ERCC8: variants seen among roughly 807,000 people sequenced by gnomAD.
The protein encoded by ERCC8 is ERCC excision repair 8, CSA ubiquitin ligase complex subunit.
A neutral mutation model predicts 54.9 loss-of-function variants in ERCC8; 52 were observed. That is an observed-to-expected ratio of 0.95 (90% CI 0.76 to 1.19). The LOEUF (loss-of-function observed/expected upper bound fraction) is 1.19, where lower values mean the gene tolerates loss of function less well. ERCC8 is among the 50% of genes most tolerant of loss of function. The pLI, the probability that ERCC8 is intolerant of heterozygous loss-of-function variation, is 0.00. For synonymous variants in ERCC8, 146 were observed against 157.2 expected (o/e 0.93, Z 0.53); for missense variants, 514 against 466.1 (o/e 1.10, Z -0.95).
At chr5:60,890,718 T>C (rs898437394) in intron 10 of ERCC8, among the ~76,000 whole-genome samples, 171 bp downstream of exon 10, 2 of 152,220 alleles carry the variant, frequency 1.3e-5, no homozygotes, top group Non-Finnish European at 1.5e-5. Flanking sequence ...CATTCATACA[T>C]TGTATGCTGT....
At chr5:60,931,247 G>T (rs1195234999) in intron 1 of ERCC8, among the ~76,000 whole-genome samples, 1 of 152,142 alleles carries the variant, frequency 6.6e-6, no homozygotes, top group East Asian at 1.9e-4. Flanking sequence ...AGAGTAATTT[G>T]CCCAAGGTCA....
At chr5:60,931,303 T>G (rs570566196) in intron 1 of ERCC8, among the ~76,000 whole-genome samples, 3 of 151,230 alleles carry the variant, frequency 2.0e-5, no homozygotes, top group African/African-American at 7.3e-5. Flanking sequence ...TAACATTAAA[T>G]TTTTTTTTAA....
chr5:60,886,387 A>G (rs552991112), intron 11 of ERCC8, among the ~76,000 whole-genome samples: 1 of 152,234 alleles, frequency 6.6e-6, no homozygotes, highest in Admixed American at 6.5e-5. Flanking sequence ...AAACTGGTAA[A>G]ATTTGACGTG....
chr5:60,924,848 T>C (rs932756723), intron 2 of ERCC8, among the ~76,000 whole-genome samples: 1 of 152,146 alleles, frequency 6.6e-6, no homozygotes, highest in Non-Finnish European at 1.5e-5. Context: ...ATTTCTGAAA[T>C]ATTTTTATTT....
chr5:60,884,647 C>A (rs74316631), intron 11 of ERCC8, among the ~76,000 whole-genome samples: 1 of 150,928 alleles, frequency 6.6e-6, no homozygotes, highest in Admixed American at 6.6e-5. Context: ...TATAAACATA[C>A]ATGTAAGGAA....
At position 60,933,794 on chromosome 5, in the gene ERCC8, C is replaced by G. The variant is rs922454484; in HGVS notation, c.78-4835G>C. On this transcript the variant is annotated intron_variant, in intron 1 of 11. Transcript: ENST00000676185. The stretch of plus-strand genomic sequence containing the variant: ...TTATGCCTTTGTGTCCTCCATAGCT[C>G]AGCTCCCACTTATGAGTGAGAACAT... Among the ~76,000 whole-genome samples the G allele has an allele frequency of 7.9e-5, 12 of 152,278 alleles. No individual in the cohort carries two copies. In the East Asian group the frequency reaches 2.3e-3, roughly 29 times the overall value.
At chr5:60,936,982 T>C (rs1354702612) in intron 1 of ERCC8, among the ~76,000 whole-genome samples, 2 of 152,226 alleles carry the variant, frequency 1.3e-5, no homozygotes, top group Non-Finnish European at 2.9e-5. Flanking sequence ...CTTGATTTGG[T>C]GCTCTCCTCC....
At chr5:60,938,112 G>T (rs746153976) in intron 1 of ERCC8, among the ~76,000 whole-genome samples, 1 of 120,470 alleles carries the variant, frequency 8.3e-6, no homozygotes, top group Non-Finnish European at 1.6e-5. Context: ...TTTAGGTTAC[G>T]AAGTTTCATT....
chr5:60,898,233 A>C (rs1284725755), intron 9 of ERCC8, 43 bp downstream of exon 9: 2 of 1,588,188 alleles, frequency 1.3e-6, no homozygotes, highest in Admixed American at 3.3e-5. Context: ...TCACAGATCC[A>C]TTTCTTAATT....
intron 1 of ERCC8, among the ~76,000 whole-genome samples, chr5:60,939,367 T>G (rs376806322): frequency 1.1e-4 from 17 of 152,236 alleles, no homozygotes; most frequent in Non-Finnish European, 2.1e-4. Flanking sequence ...TTAACGTTCT[T>G]TCCTAATTTT....
chr5:60,931,164 G>A (rs947387349), intron 1 of ERCC8, among the ~76,000 whole-genome samples: 3 of 151,406 alleles, frequency 2.0e-5, no homozygotes, highest in African/African-American at 7.3e-5. Context: ...GTAGTAATAA[G>A]AAGTGTAATA....
intron 1 of ERCC8, among the ~76,000 whole-genome samples, chr5:60,943,281 TA>T (rs1465822220): frequency 1.3e-5 from 2 of 151,930 alleles, no homozygotes; most frequent in African/African-American, 4.8e-5. Context: ...AAAAAAAAAA[TA>T]TTTTTTTAAT....
rs1384614411 is a variant in ERCC8, at chr5:60,870,281, G to C, written c.*4334C>G. Among the ~76,000 whole-genome samples, 2 of 151,782 alleles carry C rather than the reference G, an allele frequency of 1.3e-5. No individual in the cohort carries two copies. The highest frequency in any genetic ancestry group is 2.4e-5 in the African/African-American group (1 of 41,306). The stretch of plus-strand genomic sequence containing the variant: ...AAGCACCTACTACATGCCAACTACA[G>C]TTCTAAGAATTGAAACAAAACAAAA... On this transcript the variant is annotated 3_prime_UTR_variant, in exon 12 of 12. Coordinates refer to ENST00000676185, the MANE Select transcript of ERCC8 (RefSeq NM_000082.4).
At position 60,880,401 on chromosome 5, in the gene ERCC8, A is replaced by T. The variant is rs185625116; in HGVS notation, c.1123-5718T>A. ...GGCATTCTCTGTTTTTCTGAATTTG[A>T]ATGTTGGCCTGACTTGCTAGATTGG... On this transcript the variant is annotated intron_variant, in intron 11 of 11. Transcript: ENST00000676185. 1.1e-4 allele frequency among the ~76,000 whole-genome samples: 17 copies of T among 152,180 alleles called. No homozygotes were observed. In the East Asian group the frequency reaches 2.9e-3, roughly 26 times the overall value.
At chr5:60,924,336 AT>A in intron 2 of ERCC8, 1 of 152,954 alleles carries the variant, frequency 6.5e-6, no homozygotes, top group Non-Finnish European at 1.5e-5. Context: ...TGGTTGAATG[AT>A]TTCATTCTCT....
Position 60,902,451 on chromosome 5 carries a change from G to A in ERCC8, c.608C>T (p.Ala203Val), listed in dbSNP as rs770467685. The change falls in exon 7 of 12, where the codon GCA (alanine) becomes GTA (valine). Residue 203 changes from alanine (A) to valine (V), a missense_variant. By Grantham distance (64) the Ala-to-Val change is moderately conservative. Coordinates refer to ENST00000676185, the MANE Select transcript of ERCC8 (RefSeq NM_000082.4). ...ATAAGTTAAATTTTACCTTGCTGTT[G>A]CCAAGATATAGTCATAACGTGGAGA... Reference protein sequence around the residue: ...SWSPRYDYILATASADSRVKL... With the variant: ...SWSPRYDYILVTASADSRVKL... The A allele has an allele frequency of 7.4e-6, 12 of 1,610,748 alleles. No individual in the cohort carries two copies. The highest frequency in any genetic ancestry group is 1.0e-5 in the Non-Finnish European group (12 of 1,177,668).
chr5:60,891,210 T>C (rs1274060157), intron 9 of ERCC8, 124 bp from the exon 10 acceptor site: 14 of 679,200 alleles, frequency 2.1e-5, no homozygotes, highest in Non-Finnish European at 2.8e-5. Context: ...AAGGAAAATA[T>C]TCAACGTTGA....
At chr5:60,921,214 A>T (rs1037978997) in intron 3 of ERCC8, among the ~76,000 whole-genome samples, 1 of 151,932 alleles carries the variant, frequency 6.6e-6, no homozygotes, top group Non-Finnish European at 1.5e-5. Context: ...CTAATGCGAA[A>T]CACCAGAGCC....
At chr5:60,880,998 T>G (rs1025595963) in intron 11 of ERCC8, among the ~76,000 whole-genome samples, 3 of 152,192 alleles carry the variant, frequency 2.0e-5, no homozygotes, top group African/African-American at 7.2e-5. Context: ...TGTGGTTTTA[T>G]CTACCTTTGG....
Sources: gnomAD v4.1 joint callset for allele counts (sites outside exome capture counted in the v4.1 genomes callset) on GRCh38, gnomAD v4.1.1 for gene constraint, MANE v1.5 for transcripts, NCBI Gene and HGNC (gene_info 2026-07-23, HGNC 2026-07-21) for gene names.